NWD1: variants seen among roughly 807,000 people sequenced by gnomAD.
The protein encoded by NWD1 is NACHT and WD repeat domain containing 1, also known as NACHT domain- and WD repeat-containing protein 1.
A neutral mutation model predicts 135.1 loss-of-function variants in NWD1; 129 were observed. The observed-to-expected ratio is 0.96, with a 90% CI of 0.83 to 1.11. The LOEUF is 1.11. Ranked by LOEUF, NWD1 falls within the 50% of genes least tolerant of loss-of-function variation. NWD1 has a pLI of 0.00. For missense variants in NWD1, 1,740 were observed against 1,851.3 expected (o/e 0.94, Z 1.10); for synonymous variants, 773 against 786.0 (o/e 0.98, Z 0.28).
chr19:16,785,373 T>C (rs1970002161), intron 12 of NWD1, among the ~76,000 whole-genome samples: 1 of 151,758 alleles, frequency 6.6e-6, no homozygotes, highest in Non-Finnish European at 1.5e-5. Flanking sequence ...TAGTTGGGCA[T>C]GGTGGCGCAT....
rs1463444565 is a variant in NWD1, at chr19:16,807,974, G to A, written c.4125G>A (p.Glu1375=). The A allele has an allele frequency of 3.1e-6, 5 of 1,614,020 alleles. No homozygotes were observed. The highest frequency in any genetic ancestry group is 4.2e-6 in the Non-Finnish European group (5 of 1,180,030). Reference sequence around the variant, plus strand: ...CCAATGGGGACCTCTTTCTTTACGAGTGTGCAACTTCCAAAGCGTTTCCCT... The same window carrying A: ...CCAATGGGGACCTCTTTCTTTACGAATGTGCAACTTCCAAAGCGTTTCCCT... ...SMTNGDLFLY[E]CATSKAFPLE... The change falls in exon 18 of 19, where the codon GAG becomes GAA. Residue 1375 remains glutamate, a synonymous_variant. Coordinates refer to ENST00000524140, the MANE Select transcript of NWD1 (RefSeq NM_001007525.5).
At position 16,808,055 on chromosome 19, in the gene NWD1, G is replaced by A. The variant is rs1421757973; in HGVS notation, c.4206G>A (p.Leu1402=). ...TGGAGGTCAGCCACAAGGAGCAGCT[G>A]GTGGTCAGCGGGTCTGAGGATGCCC... ...ACVEVSHKEQ[L]VVSGSEDALL... Residue 1402 remains leucine, a synonymous_variant, in exon 18 of 19, where the codon CTG becomes CTA. Transcript: ENST00000524140. The A allele has an allele frequency of 1.2e-6, 2 of 1,614,044 alleles. No individual in the cohort carries two copies. The highest frequency in any genetic ancestry group is 2.7e-5 in the African/African-American group (2 of 74,922).
chr19:16,775,513 C>T (rs1969569109), intron 11 of NWD1, among the ~76,000 whole-genome samples: 2 of 152,234 alleles, frequency 1.3e-5, no homozygotes, highest in African/African-American at 4.8e-5. Context: ...GATGGCATTC[C>T]AGCCAGTGGG....
chr19:16,736,640 G>A lies in NWD1; in HGVS notation c.88G>A (p.Asp30Asn). The A allele has an allele frequency of 6.5e-7, 1 of 1,531,244 alleles. No homozygotes were observed. Among genetic ancestry groups the A allele is most frequent in the Non-Finnish European group, 8.8e-7 (1 of 1,142,500 alleles). 94.9% of individuals were successfully genotyped at this position (1,531,244 alleles called of 1,614,324 possible). A position where few individuals can be genotyped will look rare whatever the true frequency, so the allele number is the denominator to read the frequency against. Reference protein sequence around the residue: ...QRHGLMFEVVDLRWGIRNIEA... With the variant: ...QRHGLMFEVVNLRWGIRNIEA... ...TTGTGTTTCTATTTCCCAGGTCGTT[G>A]ATCTGAGGTGGGGTATTCGGAACAT... Residue 30 changes from aspartate to asparagine, a missense_variant, in exon 4 of 19, where the codon GAT (aspartate) becomes AAT (asparagine). By Grantham distance (23) the Asp-to-Asn change is conservative (BLOSUM62 1). Transcript: ENST00000524140.
At chr19:16,738,892 AT>A (rs1967967948) in intron 4 of NWD1, among the ~76,000 whole-genome samples, 3 of 143,608 alleles carry the variant, frequency 2.1e-5, no homozygotes, top group African/African-American at 7.7e-5. Context: ...TATTATATAT[AT>A]ATATATTTCA....
chr19:16,722,521 T>G (rs1465827071), intron 1 of NWD1, among the ~76,000 whole-genome samples: 3 of 151,830 alleles, frequency 2.0e-5, no homozygotes, highest in Non-Finnish European at 4.4e-5. Context: ...ACTCCTGACC[T>G]CAGGCGATCC....
intron 2 of NWD1, among the ~76,000 whole-genome samples, chr19:16,728,943 CAA>C (rs59881448): frequency 0.39 from 38,414 of 98,784 alleles, 6,124 homozygotes; most frequent in Middle Eastern, 0.51. Flanking sequence ...GACTCCATCT[CAA>C]AAAAAAAAAA....
At chr19:16,787,577 A>G (rs1599532088) in intron 12 of NWD1, among the ~76,000 whole-genome samples, 1 of 152,166 alleles carries the variant, frequency 6.6e-6, no homozygotes. Flanking sequence ...AAGTAAAAAG[A>G]GGCTGGGCAC....
At chr19:16,798,747 C>T (rs1367488407) in intron 16 of NWD1, among the ~76,000 whole-genome samples, 1 of 152,120 alleles carries the variant, frequency 6.6e-6, no homozygotes, top group African/African-American at 2.4e-5. Context: ...CTGCCTCAGC[C>T]TCGCAAGTAG....
chr19:16,781,615 C>CAA (rs528725858), intron 12 of NWD1, among the ~76,000 whole-genome samples: 1 of 142,332 alleles, frequency 7.0e-6, no homozygotes, highest in African/African-American at 2.6e-5. Context: ...GACCCTATCT[C>CAA]AAAAAAAAAA....
chr19:16,755,357 A>G (rs748466812), intron 6 of NWD1, among the ~76,000 whole-genome samples: 1 of 152,036 alleles, frequency 6.6e-6, no homozygotes, highest in African/African-American at 2.4e-5. Context: ...AGCTGAGACT[A>G]CAGGTGCATG....
chr19:16,792,353 C>T (rs568262429), intron 14 of NWD1, among the ~76,000 whole-genome samples: 1 of 152,040 alleles, frequency 6.6e-6, no homozygotes, highest in East Asian at 1.9e-4. Flanking sequence ...ACCAGCCTGG[C>T]CAACATGGCA....
At chr19:16,802,201 G>C (rs1970621805) in intron 17 of NWD1, among the ~76,000 whole-genome samples, 1 of 151,846 alleles carries the variant, frequency 6.6e-6, no homozygotes, top group African/African-American at 2.4e-5. Flanking sequence ...AGAATCGCTT[G>C]AGCCCGGCAG....
chr19:16,803,308 A>T (rs967136706), intron 17 of NWD1, among the ~76,000 whole-genome samples: 2 of 152,124 alleles, frequency 1.3e-5, no homozygotes, highest in Non-Finnish European at 2.9e-5. Context: ...AGCCTCAGGT[A>T]GTCCTTCATA....
At chr19:16,783,364 G>A (rs1969926481) in intron 12 of NWD1, among the ~76,000 whole-genome samples, 3 of 152,236 alleles carry the variant, frequency 2.0e-5, no homozygotes, top group Middle Eastern at 6.8e-3. Flanking sequence ...GTGGGGAACG[G>A]TGGCTCATGC....
At chr19:16,775,207 G>A (rs1170935571) in intron 11 of NWD1, among the ~76,000 whole-genome samples, 2 of 152,070 alleles carry the variant, frequency 1.3e-5, no homozygotes, top group African/African-American at 2.4e-5. Context: ...TGATTTAGGG[G>A]CAGCCACTAG....
At chr19:16,778,494 C>CTTCTTT (rs200410922) in intron 11 of NWD1, among the ~76,000 whole-genome samples, 16 of 107,566 alleles carry the variant, frequency 1.5e-4, no homozygotes, top group African/African-American at 4.3e-4. Flanking sequence ...TCTTCTTCTT[C>CTTCTTT]TTTTTTTTTT....
chr19:16,728,281 C>CTTTTTTTT (rs397859118), intron 2 of NWD1, among the ~76,000 whole-genome samples: 1 of 119,906 alleles, frequency 8.3e-6, no homozygotes, highest in Non-Finnish European at 1.7e-5. Context: ...GGTCACTGCT[C>CTTTTTTTT]TTTTTTTTTT....
chr19:16,763,829 T>C lies in NWD1; in HGVS notation c.2135T>C (p.Val712Ala). 6.2e-7 allele frequency: 1 copy of C among 1,607,304 alleles called. No individual in the cohort carries two copies. The highest frequency in any genetic ancestry group is 8.5e-7 in the Non-Finnish European group (1 of 1,173,896). Reference sequence around the variant, plus strand: ...GCAGTCTCCCTTCTCCTCTGCCAGGTGGCCCCGCAGCCTCTGTGGTTCTCA... The same window carrying C: ...GCAGTCTCCCTTCTCCTCTGCCAGGCGGCCCCGCAGCCTCTGTGGTTCTCA... ...VGKPLNLDRK[V>A]APQPLWFSHT... Residue 712 changes from valine (V) to alanine (A), a missense_variant and splice_region_variant, in exon 9 of 19, where the codon GTG becomes GCG. Coordinates refer to ENST00000524140, the MANE Select transcript of NWD1 (RefSeq NM_001007525.5).
Sources: allele counts gnomAD v4.1 joint callset (sites outside exome capture counted in the v4.1 genomes callset), GRCh38; gene constraint gnomAD v4.1.1; transcripts MANE v1.5; gene names NCBI Gene and HGNC (gene_info 2026-07-23, HGNC 2026-07-21).